CERS3: variants seen among roughly 807,000 people sequenced by gnomAD.
CERS3 encodes the protein LAG1 homolog, ceramide synthase 3.
In CERS3, 33 loss-of-function variants were observed where a neutral mutation model predicts 50.3. That is an observed-to-expected ratio of 0.66 (90% confidence interval 0.50 to 0.88). The LOEUF is 0.88. Among genes scored for constraint, CERS3 ranks in the 40% least tolerant of loss-of-function variants. The pLI is 0.00. For missense variants in CERS3, 470 were observed against 460.3 expected (o/e 1.02, Z -0.19); for synonymous variants, 176 against 155.2 (o/e 1.13, Z -0.99).
At chr15:100,516,900 A>G (rs998580499) in intron 2 of CERS3, among the ~76,000 whole-genome samples, 3 of 152,226 alleles carry the variant, frequency 2.0e-5, no homozygotes, top group African/African-American at 7.2e-5. Flanking sequence ...AGCAAACAAG[A>G]GTAGGATTTC....
rs2035251466 is a variant in CERS3, at chr15:100,480,041, C to G, written c.413G>C (p.Arg138Thr). 6.2e-7 allele frequency: 1 copy of G among 1,610,400 alleles called. No individual in the cohort carries two copies. Among genetic ancestry groups the G allele is most frequent in the African/African-American group, 1.3e-5 (1 of 74,740 alleles). ...RLKKFQEACW[R>T]FAFYLMITVA... The stretch of plus-strand genomic sequence containing the variant: ...AGTGATCATTAAGTAAAATGCAAAT[C>G]TCCAGCTGCCAAAAGAAAGAAAAAT... Residue 138 changes from arginine to threonine, a missense_variant, in exon 6 of 12, where the codon AGA (arginine) becomes ACA (threonine). Arg to Thr is a moderately conservative substitution (Grantham distance 71). Transcript: ENST00000679737.
intron 10 of CERS3, among the ~76,000 whole-genome samples, chr15:100,456,941 C>T (rs1385408116): frequency 1.9e-4 from 12 of 61,628 alleles, no homozygotes; most frequent in African/African-American, 2.3e-4. Flanking sequence ...AGCAAGATTC[C>T]GTGAAAAAAA....
Position 100,432,611 on chromosome 15 carries a change from A to G in CERS3, c.999+23282T>C, listed in dbSNP as rs1184084777. ...ATTTTGTATGAGTCAGACCACATCT[A>G]GAAAACTGTGCTGACTTCTAGGTAT... On this transcript the variant is annotated intron_variant, in intron 11 of 11. Coordinates refer to ENST00000679737, the MANE Select transcript of CERS3 (RefSeq NM_001378789.1). Among the ~76,000 whole-genome samples, 4 of 152,234 alleles carry G rather than the reference A, an allele frequency of 2.6e-5. No individual in the cohort carries two copies. In the East Asian group the frequency reaches 7.7e-4, roughly 29 times the overall value.
chr15:100,467,823 G>A lies in CERS3; in HGVS notation c.845+1555C>T, dbSNP rs10693038. 5.7e-4 allele frequency among the ~76,000 whole-genome samples: 25 copies of A among 44,072 alleles called. No homozygotes were observed. In the East Asian group the frequency reaches 6.6e-3, roughly 12 times the overall value. The allele number at this position is 44,072 out of a possible 152,430, so 28.9% of individuals were successfully genotyped here. A position where few individuals can be genotyped will look rare whatever the true frequency, so the allele number is the denominator to read the frequency against. On this transcript the variant is annotated intron_variant, in intron 10 of 11. Transcript: ENST00000679737. ...TATATATATACGTCTATATATATGTGTATATATATACGTGTATATATATAT... is the reference window on the plus strand; with the variant it reads ...TATATATATACGTCTATATATATGTATATATATATACGTGTATATATATAT...
chr15:100,523,500 G>A lies in CERS3; in HGVS notation c.-91-1744C>T, dbSNP rs557843709. Among the ~76,000 whole-genome samples, 27 of 152,086 alleles carry A rather than the reference G, an allele frequency of 1.8e-4. No homozygotes were observed. The South Asian group carries it at 4.8e-3, about 27-fold the overall frequency. ...GCAGATCACAAGGTCAGGAGATTGCGACCATCCTGGCTAACACGGTGAAAC... is the reference window on the plus strand; with the variant it reads ...GCAGATCACAAGGTCAGGAGATTGCAACCATCCTGGCTAACACGGTGAAAC... On this transcript the variant is annotated intron_variant, in intron 1 of 11. Transcript: ENST00000679737.
intron 8 of CERS3, among the ~76,000 whole-genome samples, chr15:100,474,316 T>A (rs1222098174): frequency 6.6e-6 from 1 of 152,236 alleles, no homozygotes; most frequent in Non-Finnish European, 1.5e-5. Context: ...TTAAAAAACT[T>A]AAAGATTTCA....
intron 11 of CERS3, among the ~76,000 whole-genome samples, chr15:100,414,948 A>G (rs1048728169): frequency 4.4e-4 from 67 of 152,280 alleles, no homozygotes; most frequent in African/African-American, 1.6e-3. Context: ...ATCTAATTAA[A>G]CTAAAGAGCT....
At chr15:100,461,335 G>T (rs936244471) in intron 10 of CERS3, among the ~76,000 whole-genome samples, 1 of 152,146 alleles carries the variant, frequency 6.6e-6, no homozygotes, top group African/African-American at 2.4e-5. Context: ...CAGAATGAAA[G>T]AAGCTGCCAT....
intron 11 of CERS3, among the ~76,000 whole-genome samples, chr15:100,408,273 G>A (rs915382783): frequency 1.2e-4 from 18 of 152,090 alleles, no homozygotes; most frequent in Admixed American, 3.3e-4. Flanking sequence ...ACTTTTCTTC[G>A]TTTGGAAACT....
chr15:100,511,517 C>A (rs1362348386), intron 2 of CERS3, among the ~76,000 whole-genome samples: 1 of 149,784 alleles, frequency 6.7e-6, no homozygotes, highest in East Asian at 2.0e-4. Context: ...CATTGGGAGC[C>A]TGGGTTTCCA....
chr15:100,493,642 C>T (rs1218889209), intron 3 of CERS3, among the ~76,000 whole-genome samples: 1 of 152,058 alleles, frequency 6.6e-6, no homozygotes, highest in Non-Finnish European at 1.5e-5. Context: ...TCTCTTCTCT[C>T]CTTCTGGAAT....
At chr15:100,538,510 C>T (rs1380100885) in intron 1 of CERS3, among the ~76,000 whole-genome samples, 2 of 152,272 alleles carry the variant, frequency 1.3e-5, no homozygotes, top group Non-Finnish European at 2.9e-5. Flanking sequence ...GCAGCCCCAA[C>T]ACCACATGTA....
At chr15:100,414,186 C>G (rs539909182) in intron 11 of CERS3, among the ~76,000 whole-genome samples, 1 of 152,180 alleles carries the variant, frequency 6.6e-6, no homozygotes, top group East Asian at 1.9e-4. Flanking sequence ...ACAATTGCTA[C>G]AAAGAGAATA....
In CERS3 at chr15:100,406,457, C is replaced by T. The variant is rs550912440; in HGVS notation, c.1000-3592G>A. ...TAATCTGAACATGGCTTTTGAAAAA[C>T]CAAAGTGCCCACATTATGCTAGCTG... On this transcript the variant is annotated intron_variant, in intron 11 of 11. Transcript: ENST00000679737. Among the ~76,000 whole-genome samples the T allele has an allele frequency of 1.9e-3, 283 of 152,244 alleles. 1 individual carries two copies. The highest frequency in any genetic ancestry group is 3.5e-3 in the Non-Finnish European group (237 of 68,018).
At chr15:100,480,174 C>T (rs2035255474) in intron 5 of CERS3, 128 bp from the exon 6 acceptor site, 3 of 695,302 alleles carry the variant, frequency 4.3e-6, no homozygotes, top group South Asian at 3.6e-5. Context: ...AGTTTCTATC[C>T]TGGCTCTGCC....
intron 10 of CERS3, among the ~76,000 whole-genome samples, chr15:100,459,031 C>T (rs896376233): frequency 1.6e-4 from 25 of 152,236 alleles, no homozygotes; most frequent in African/African-American, 5.3e-4. Context: ...GCTAACATTA[C>T]ATAAACTAAT....
chr15:100,506,837 G>A (rs901105098), intron 2 of CERS3, among the ~76,000 whole-genome samples: 1 of 152,166 alleles, frequency 6.6e-6, no homozygotes, highest in African/African-American at 2.4e-5. Flanking sequence ...TTAAGGTGGT[G>A]AAAATGTTTA....
intron 11 of CERS3, among the ~76,000 whole-genome samples, chr15:100,439,073 A>T (rs560854715): frequency 6.6e-6 from 1 of 152,306 alleles, no homozygotes; most frequent in African/African-American, 2.4e-5. Flanking sequence ...ATTTTATAGG[A>T]ACTAGATAAG....
intron 11 of CERS3, among the ~76,000 whole-genome samples, chr15:100,418,151 C>G (rs1485302375): frequency 2.0e-5 from 3 of 151,812 alleles, no homozygotes; most frequent in Non-Finnish European, 4.4e-5. Context: ...GGAGGACATT[C>G]AAACCAAAGG....
Sources: allele counts gnomAD v4.1 joint callset (sites outside exome capture counted in the v4.1 genomes callset), GRCh38; gene constraint gnomAD v4.1.1; transcripts MANE v1.5; gene names NCBI Gene and HGNC (gene_info 2026-07-23, HGNC 2026-07-21).